Variants in COL24A1 observed in about 807,000 individuals in gnomAD.
COL24A1 encodes the protein collagen type XXIV alpha 1 chain.
COL24A1 carries 224 observed loss-of-function variants against 253.9 expected under a neutral mutation model. The observed-to-expected ratio is 0.88, with a 90% confidence interval of 0.79 to 0.99. The LOEUF (loss-of-function observed/expected upper bound fraction) is 0.99, where lower values mean the gene tolerates loss of function less well. COL24A1 is among the 50% of genes least tolerant of loss of function. The probability of loss-of-function intolerance (pLI) is 0.00; values close to 1 mark genes in which losing one functional copy is unlikely to be tolerated. For missense variants in COL24A1, 2,131 were observed against 2,068.5 expected, an observed-to-expected ratio of 1.03 and a Z score of -0.59; for synonymous variants, 685 against 673.7, an observed-to-expected ratio of 1.02 and a Z score of -0.26.
intron 20 of COL24A1, among the ~76,000 whole-genome samples, chr1:85,978,028 T>C (rs2100830479): frequency 1.3e-5 from 2 of 152,282 alleles, no homozygotes; most frequent in Middle Eastern, 6.8e-3. Flanking sequence ...TACAGCAGAT[T>C]CCTCAGCAGA....
intron 24 of COL24A1, among the ~76,000 whole-genome samples, chr1:85,953,798 A>G (rs1196358692): frequency 1.3e-5 from 2 of 152,228 alleles, no homozygotes; most frequent in African/African-American, 2.4e-5. Flanking sequence ...AGGCACATAT[A>G]CAGAATTACA....
chr1:86,018,022 T>C (rs1697155466), intron 18 of COL24A1, among the ~76,000 whole-genome samples: 1 of 152,192 alleles, frequency 6.6e-6, no homozygotes, highest in Admixed American at 6.5e-5. Context: ...GTATAAAGCC[T>C]GAAACTAGAG....
chr1:86,140,315 C>G (rs538449743), intron 2 of COL24A1, among the ~76,000 whole-genome samples: 49 of 152,300 alleles, frequency 3.2e-4, no homozygotes, highest in African/African-American at 1.1e-3. Flanking sequence ...TGCTTAAATA[C>G]CACTGTCACA....
At chr1:86,074,813 A>T (rs1196147916) in intron 7 of COL24A1, among the ~76,000 whole-genome samples, 1 of 152,244 alleles carries the variant, frequency 6.6e-6, no homozygotes, top group Non-Finnish European at 1.5e-5. Context: ...TGGGTAAATA[A>T]CAAAATTAAG....
chr1:86,069,765 C>T (rs1701739329), intron 7 of COL24A1, among the ~76,000 whole-genome samples: 2 of 152,188 alleles, frequency 1.3e-5, no homozygotes, highest in Non-Finnish European at 2.9e-5. Context: ...TTATGTAAGA[C>T]CACCAAGGCA....
At chr1:85,995,260 T>A (rs966959183) in intron 19 of COL24A1, among the ~76,000 whole-genome samples, 1 of 152,268 alleles carries the variant, frequency 6.6e-6, no homozygotes, top group Non-Finnish European at 1.5e-5. Context: ...AAAAAATTTT[T>A]TTTTTTTTAG....
At chr1:85,919,325 G>A (rs1182297285) in intron 24 of COL24A1, among the ~76,000 whole-genome samples, 1 of 152,166 alleles carries the variant, frequency 6.6e-6, no homozygotes, top group African/African-American at 2.4e-5. Context: ...GAAGCATGTG[G>A]TTTTCTCTAA....
intron 28 of COL24A1, among the ~76,000 whole-genome samples, chr1:85,900,596 G>A (rs183171984): frequency 3.8e-3 from 574 of 152,112 alleles, no homozygotes; most frequent in Non-Finnish European, 5.3e-3. Context: ...ATATGATCGC[G>A]TCACTGCACT....
chr1:85,802,563 A>C (rs1450749483), intron 47 of COL24A1, among the ~76,000 whole-genome samples: 1 of 152,160 alleles, frequency 6.6e-6, no homozygotes, highest in African/African-American at 2.4e-5. Flanking sequence ...TAAGATATTT[A>C]TCTCTATATA....
At chr1:86,071,895 GAAGAGCAAAGGGTC>G (rs1222582736) in intron 7 of COL24A1, among the ~76,000 whole-genome samples, 1 of 152,108 alleles carries the variant, frequency 6.6e-6, no homozygotes, top group Non-Finnish European at 1.5e-5. Flanking sequence ...CCTCACCCAG[GAAGAGCAAAGGGTC>G]AGGGAACTCC....
chr1:86,018,130 C>A (rs774251042), intron 18 of COL24A1, among the ~76,000 whole-genome samples: 4 of 152,214 alleles, frequency 2.6e-5, no homozygotes, highest in Admixed American at 6.5e-5. Context: ...TTCATTATTT[C>A]TGTCATATTA....
At chr1:86,119,038 A>G (rs1257988380) in intron 3 of COL24A1, among the ~76,000 whole-genome samples, 1 of 152,186 alleles carries the variant, frequency 6.6e-6, no homozygotes, top group Non-Finnish European at 1.5e-5. Context: ...TAAGCTGATA[A>G]ACAATGTTAT....
At chr1:86,047,549 T>C (rs1225899817) in intron 11 of COL24A1, among the ~76,000 whole-genome samples, 1 of 152,162 alleles carries the variant, frequency 6.6e-6, no homozygotes, top group African/African-American at 2.4e-5. Flanking sequence ...ATGAGAAGAA[T>C]AACAATACCT....
intron 8 of COL24A1, among the ~76,000 whole-genome samples, chr1:86,061,611 T>C (rs948250285): frequency 6.6e-6 from 1 of 152,076 alleles, no homozygotes. Flanking sequence ...TAAGTTCTGC[T>C]ATACTAGAAC....
chr1:85,967,107 G>C (rs1691646536), intron 22 of COL24A1, among the ~76,000 whole-genome samples: 1 of 152,096 alleles, frequency 6.6e-6, no homozygotes, highest in African/African-American at 2.4e-5. Flanking sequence ...CTTGAAAAAT[G>C]GCCTGTTCAT....
chr1:85,791,352 A>C (rs1670254584), intron 47 of COL24A1, among the ~76,000 whole-genome samples: 1 of 152,202 alleles, frequency 6.6e-6, no homozygotes, highest in African/African-American at 2.4e-5. Flanking sequence ...AAGTTTAAAA[A>C]AAACACTAAA....
At chr1:85,827,930 G>A (rs1055441713) in intron 43 of COL24A1, among the ~76,000 whole-genome samples, 2 of 151,910 alleles carry the variant, frequency 1.3e-5, no homozygotes, top group African/African-American at 4.8e-5. Context: ...CTTCAGTTCT[G>A]CTGTGATTTT....
chr1:85,821,585 ACAGT>A (rs1406177753), intron 45 of COL24A1, among the ~76,000 whole-genome samples: 3 of 152,210 alleles, frequency 2.0e-5, no homozygotes, highest in Non-Finnish European at 2.9e-5. Flanking sequence ...TGAATAATAC[ACAGT>A]CAGTCATTAT....
At chr1:86,051,860 G>T (rs1312153929) in intron 10 of COL24A1, among the ~76,000 whole-genome samples, 1 of 152,000 alleles carries the variant, frequency 6.6e-6, no homozygotes, top group African/African-American at 2.4e-5. Context: ...GATATAAAGA[G>T]GATGAGTTTT....
Sources: gnomAD v4.1 joint callset for allele counts (sites outside exome capture counted in the v4.1 genomes callset) on GRCh38, gnomAD v4.1.1 for gene constraint, MANE v1.5 for transcripts, NCBI Gene and HGNC (gene_info 2026-07-23, HGNC 2026-07-21) for gene names.